Variants in GSE1 observed in about 807,000 individuals in gnomAD.
GSE1 encodes the protein Gse1 coiled-coil protein, also known as genetic suppressor element 1.
Under a neutral mutation model 112.6 loss-of-function variants are expected in GSE1, and 32 were observed. The ratio of observed to expected loss-of-function variants is 0.28; its 90% CI spans 0.21 to 0.38. The LOEUF (loss-of-function observed/expected upper bound fraction) is 0.38, where lower values mean the gene tolerates loss of function less well. Among genes scored for constraint, GSE1 ranks in the 10% least tolerant of loss-of-function variants. The pLI is 1.00. For synonymous variants in GSE1, 1,115 were observed against 735.6 expected (o/e 1.52, Z -8.35); for missense variants, 2,348 against 1,699.2 (o/e 1.38, Z -6.71).
At chr16:85,469,808 C>T (rs562090090) in intron 2 of GSE1, among the ~76,000 whole-genome samples, 4 of 152,222 alleles carry the variant, frequency 2.6e-5, no homozygotes, top group African/African-American at 4.8e-5. Context: ...CCAGCCTTTT[C>T]CCCAGCAGCT....
chr16:85,657,413 C>T lies in GSE1; in HGVS notation c.1449C>T (p.Ala483=), dbSNP rs756707533. ...TCTCTCTGCCTAGCAGCAGTGCTGC[C>T]ACAGCCCTGCTGATCCAGCGCACCA... ...GIFSLPSSSA[A]TALLIQRTNE... Residue 483 remains alanine, a synonymous_variant, in exon 8 of 16, where the codon GCC becomes GCT. Coordinates refer to ENST00000253458, the MANE Select transcript of GSE1 (RefSeq NM_014615.5). 6 of 1,612,468 alleles carry T rather than the reference C, an allele frequency of 3.7e-6. No homozygotes were observed. Among genetic ancestry groups the T allele is most frequent in the Admixed American group, 1.7e-5 (1 of 59,958 alleles).
intron 1 of GSE1, among the ~76,000 whole-genome samples, chr16:85,276,857 G>A (rs558563485): frequency 2.0e-4 from 31 of 152,228 alleles, no homozygotes; most frequent in Non-Finnish European, 4.1e-4. Context: ...TGAAAAGCAG[G>A]TGTCCTCAGA....
At chr16:85,629,304 A>G (rs11864140) in intron 1 of GSE1, among the ~76,000 whole-genome samples, 1,630 of 152,292 alleles carry the variant, frequency 0.011, 35 homozygotes, top group African/African-American at 0.037. Context: ...TGGTGGTCAT[A>G]GCACATCTGC....
At chr16:85,626,899 C>G (rs914662081) in intron 1 of GSE1, among the ~76,000 whole-genome samples, 13 of 151,906 alleles carry the variant, frequency 8.6e-5, no homozygotes, top group African/African-American at 3.1e-4. Context: ...TTAAATCCTG[C>G]TGTTGGAGCG....
At chr16:85,325,300 C>A (rs566893377) in intron 1 of GSE1, among the ~76,000 whole-genome samples, 2 of 152,054 alleles carry the variant, frequency 1.3e-5, no homozygotes, top group Non-Finnish European at 2.9e-5. Context: ...GCTTTAGTGG[C>A]GAGGGGGGCA....
chr16:85,234,705 C>T (rs1354903286), intron 1 of GSE1, among the ~76,000 whole-genome samples: 1 of 152,212 alleles, frequency 6.6e-6, no homozygotes, highest in African/African-American at 2.4e-5. Flanking sequence ...CCTTGACCCT[C>T]TGCTGGACCA....
chr16:85,642,316 A>G (rs1010005058), intron 2 of GSE1, among the ~76,000 whole-genome samples: 6 of 152,250 alleles, frequency 3.9e-5, no homozygotes, highest in African/African-American at 7.2e-5. Flanking sequence ...GTCTCTAAAA[A>G]TATTTTGTAA....
chr16:85,522,396 C>G (rs1302574384), intron 2 of GSE1, among the ~76,000 whole-genome samples: 1 of 151,816 alleles, frequency 6.6e-6, no homozygotes, highest in African/African-American at 2.4e-5. Context: ...CCTCCCCAGC[C>G]CATCCCTCCC....
At position 85,666,122 on chromosome 16, in the gene GSE1, G is replaced by C; in HGVS notation, c.2905G>C (p.Ala969Pro). ...ELSRVQELAP[A>P]SGEKARLSEA... is the part of the protein sequence containing the mutation. ...GTCGAGAGTCCAGGAGCTAGCTCCT[G>C]CCAGCGGGGAGAAGGCCAGGCTGAG... The change falls in exon 13 of 16, where the codon GCC becomes CCC. Residue 969 changes from alanine to proline, a missense_variant. Ala to Pro is a conservative substitution (Grantham distance 27). Coordinates refer to ENST00000253458, the MANE Select transcript of GSE1 (RefSeq NM_014615.5). 6.2e-7 allele frequency: 1 copy of C among 1,613,280 alleles called. No homozygotes were observed. The highest frequency in any genetic ancestry group is 1.3e-5 in the African/African-American group (1 of 75,054).
intron 2 of GSE1, among the ~76,000 whole-genome samples, chr16:85,460,010 C>T (rs1421443747): frequency 1.3e-5 from 2 of 152,200 alleles, no homozygotes; most frequent in East Asian, 1.9e-4. Flanking sequence ...TGATCCTGTC[C>T]TTCTGCTGGG....
At chr16:85,613,797 C>T (rs910560835) in intron 1 of GSE1, among the ~76,000 whole-genome samples, 3 of 133,930 alleles carry the variant, frequency 2.2e-5, no homozygotes, top group Non-Finnish European at 3.1e-5. Context: ...CGGGAGGGAG[C>T]GAATGGGGGT....
At chr16:85,252,455 AC>A (rs56089811) in intron 1 of GSE1, among the ~76,000 whole-genome samples, 13,895 of 152,176 alleles carry the variant, frequency 0.091, 754 homozygotes, top group East Asian at 0.17. Context: ...AAGGGGGACA[AC>A]CCCCGGTCCC....
At chr16:85,528,566 C>A (rs561734250) in intron 2 of GSE1, among the ~76,000 whole-genome samples, 14 of 152,150 alleles carry the variant, frequency 9.2e-5, no homozygotes, top group Middle Eastern at 3.4e-3. Flanking sequence ...TTAAGCGATC[C>A]TCCTGCCCCA....
chr16:85,301,536 A>G (rs1218198553), intron 1 of GSE1, among the ~76,000 whole-genome samples: 5 of 152,276 alleles, frequency 3.3e-5, no homozygotes, highest in African/African-American at 1.2e-4. Flanking sequence ...CTGCATGGGC[A>G]CCGGAAAGAA....
At chr16:85,597,373 C>CAAAAAAA (rs1165062872) in intron 1 of GSE1, among the ~76,000 whole-genome samples, 25 of 31,800 alleles carry the variant, frequency 7.9e-4, no homozygotes, top group Non-Finnish European at 1.3e-3. Flanking sequence ...GACTCTGTCT[C>CAAAAAAA]AAAAAAAAAA....
chr16:85,286,595 G>C (rs1312951354), intron 1 of GSE1, among the ~76,000 whole-genome samples: 1 of 152,214 alleles, frequency 6.6e-6, no homozygotes, highest in African/African-American at 2.4e-5. Context: ...GGGCCGGTCG[G>C]AGCTGCAACA....
intron 2 of GSE1, among the ~76,000 whole-genome samples, chr16:85,436,693 C>T (rs546316310): frequency 1.2e-4 from 19 of 152,348 alleles, no homozygotes; most frequent in Non-Finnish European, 2.5e-4. Context: ...GGCCCAAACC[C>T]CGAAGGGCCC....
intron 2 of GSE1, among the ~76,000 whole-genome samples, chr16:85,387,685 C>T (rs2047718222): frequency 6.6e-6 from 1 of 152,232 alleles, no homozygotes; most frequent in Non-Finnish European, 1.5e-5. Context: ...AAACATCTCT[C>T]TCCCTTGGTT....
At chr16:85,504,349 G>A (rs1032243109) in intron 2 of GSE1, among the ~76,000 whole-genome samples, 1 of 152,242 alleles carries the variant, frequency 6.6e-6, no homozygotes, top group Admixed American at 6.5e-5. Flanking sequence ...AGGCAGAATT[G>A]TGGAGCCCTG....
Sources: allele counts gnomAD v4.1 joint callset (sites outside exome capture counted in the v4.1 genomes callset), GRCh38; gene constraint gnomAD v4.1.1; transcripts MANE v1.5; gene names NCBI Gene and HGNC (gene_info 2026-07-23, HGNC 2026-07-21).